Variants in AKAP13 observed in about 807,000 individuals in gnomAD.
AKAP13 encodes the protein A-kinase anchoring protein 13.
Under a neutral mutation model 264.5 loss-of-function variants are expected in AKAP13, and 80 were observed. The observed-to-expected ratio is 0.30, with a 90% CI of 0.25 to 0.36. The LOEUF is 0.36. Ranked by LOEUF, AKAP13 falls within the 10% of genes least tolerant of loss-of-function variation. The pLI, the probability that AKAP13 is intolerant of heterozygous loss-of-function variation, is 1.00. For synonymous variants in AKAP13, 1,380 were observed against 1,250.2 expected, an observed-to-expected ratio of 1.10 and a Z score of -2.19; for missense variants, 3,712 against 3,435.2, an observed-to-expected ratio of 1.08 and a Z score of -2.01.
intron 5 of AKAP13, among the ~76,000 whole-genome samples, chr15:85,554,759 TCA>T (rs1191501754): frequency 2.0e-5 from 3 of 152,186 alleles, no homozygotes; most frequent in African/African-American, 7.2e-5. Context: ...TTTAGTATTT[TCA>T]CTTTACAGAT....
intron 3 of AKAP13, among the ~76,000 whole-genome samples, chr15:85,525,793 A>G (rs1268523235): frequency 6.6e-6 from 1 of 152,160 alleles, no homozygotes; most frequent in Non-Finnish European, 1.5e-5. Flanking sequence ...TCCTTTGAAG[A>G]TAATTGTTGG....
chr15:85,556,290 A>G (rs1186822314), intron 5 of AKAP13, among the ~76,000 whole-genome samples: 2 of 152,230 alleles, frequency 1.3e-5, no homozygotes, highest in Non-Finnish European at 1.5e-5. Flanking sequence ...TTTATGTGCT[A>G]TACTTTTATA....
rs78193286 is a variant in AKAP13, at chr15:85,616,058, A to T, written c.4162-23316A>T. Among the ~76,000 whole-genome samples, 46 of 152,350 alleles carry T rather than the reference A, an allele frequency of 3.0e-4. 2 individuals carry two copies. Among genetic ancestry groups the T allele is most frequent in the Admixed American group, 4.6e-4 (7 of 15,302 alleles). On this transcript the variant is annotated intron_variant, in intron 8 of 36. Transcript: ENST00000394518. ...GAGTCATTAACCAGTGTCCATTCAC[A>T]TGCTGCTACTTTATGTTCACTTTGG...
intron 2 of AKAP13, among the ~76,000 whole-genome samples, chr15:85,490,836 C>T (rs952919974): frequency 6.6e-6 from 1 of 152,082 alleles, no homozygotes; most frequent in African/African-American, 2.4e-5. Context: ...AGCAAGATAA[C>T]ATATCAGGAA....
chr15:85,582,030 G>A lies in AKAP13; in HGVS notation c.3962G>A (p.Ser1321Asn), dbSNP rs779156339. 59 of 1,614,004 alleles carry A rather than the reference G, an allele frequency of 3.7e-5. No homozygotes were observed. The highest frequency in any genetic ancestry group is 4.7e-5 in the Non-Finnish European group (55 of 1,180,018). Residue 1321 changes from serine to asparagine, a missense_variant, in exon 7 of 37, where the codon AGC (serine) becomes AAC (asparagine). This residue lies in a region of AKAP13 where 2,759 missense variants were observed against 2,411.7 expected (regional missense o/e 1.14). Coordinates refer to ENST00000394518, the MANE Select transcript of AKAP13 (RefSeq NM_007200.5). ...MGSTPEEATG[S>N]LAGCFAGREE... ...AGTACTCCTGAGGAAGCCACGGGGA[G>A]CCTTGCAGGATGTTTTGCTGGAAGG... is the stretch of plus-strand genomic sequence containing the variant.
chr15:85,741,994 G>A (rs1267494524), intron 35 of AKAP13, among the ~76,000 whole-genome samples: 6 of 152,080 alleles, frequency 3.9e-5, no homozygotes, highest in Admixed American at 1.3e-4. Flanking sequence ...GCAGCGAGCC[G>A]AGATCTCGCC....
chr15:85,432,420 G>C (rs1377198289), intron 1 of AKAP13, among the ~76,000 whole-genome samples: 1 of 151,536 alleles, frequency 6.6e-6, no homozygotes, highest in Non-Finnish European at 1.5e-5. Context: ...TTTTTATGCA[G>C]AAAGTGGTTT....
intron 10 of AKAP13, among the ~76,000 whole-genome samples, chr15:85,646,312 T>C (rs2082557884): frequency 6.6e-6 from 1 of 151,986 alleles, no homozygotes; most frequent in South Asian, 2.1e-4. Flanking sequence ...CCATCTCTAC[T>C]AAAAATATAA....
At chr15:85,672,000 T>C (rs2083956725) in intron 14 of AKAP13, among the ~76,000 whole-genome samples, 1 of 152,206 alleles carries the variant, frequency 6.6e-6, no homozygotes, top group South Asian at 2.1e-4. Context: ...GTGTTTTCAG[T>C]TGCTATCCAA....
chr15:85,661,384 A>G (rs1596956562), intron 12 of AKAP13, among the ~76,000 whole-genome samples: 1 of 152,182 alleles, frequency 6.6e-6, no homozygotes, highest in Non-Finnish European at 1.5e-5. Context: ...AATTAAAAAG[A>G]TACATTTCTA....
At chr15:85,506,831 A>G (rs1276023112) in intron 2 of AKAP13, among the ~76,000 whole-genome samples, 1 of 152,228 alleles carries the variant, frequency 6.6e-6, no homozygotes, top group Non-Finnish European at 1.5e-5. Context: ...GGTCTAGAAT[A>G]TAAAGGCTGA....
At chr15:85,411,363 G>C (rs1375453762) in intron 1 of AKAP13, among the ~76,000 whole-genome samples, 1 of 152,120 alleles carries the variant, frequency 6.6e-6, no homozygotes, top group Non-Finnish European at 1.5e-5. Context: ...GGAAATATGC[G>C]CAAAGGAGTT....
chr15:85,693,073 T>G, intron 16 of AKAP13: 1 of 846,154 alleles, frequency 1.2e-6, no homozygotes, highest in Non-Finnish European at 1.7e-6. Flanking sequence ...CTGCCCAGTT[T>G]TCGTGTGAAT....
rs2079139926 is a variant in AKAP13, at chr15:85,581,361, A to G, written c.3293A>G (p.Gln1098Arg). The stretch of plus-strand genomic sequence containing the variant: ...GATGTTACAGGGGTTAATGCTCTAC[A>G]AGGTATGGCTGAGCCCAGAAGAGAG... ...TVDVTGVNAL[Q>R]GMAEPRRENI... Residue 1098 changes from glutamine to arginine, a missense_variant, in exon 7 of 37, where the codon CAA becomes CGA. Physicochemically the swap from Gln to Arg is conservative, Grantham distance 43. This residue lies in a region of AKAP13 where 2,759 missense variants were observed against 2,411.7 expected (regional missense o/e 1.14). Coordinates refer to ENST00000394518, the MANE Select transcript of AKAP13 (RefSeq NM_007200.5). 1.9e-6 allele frequency: 3 copies of G among 1,614,208 alleles called. No homozygotes were observed. In the Admixed American group the frequency reaches 5.0e-5, roughly 27 times the overall value.
At chr15:85,644,465 C>T (rs927495038) in intron 9 of AKAP13, among the ~76,000 whole-genome samples, 3 of 151,410 alleles carry the variant, frequency 2.0e-5, no homozygotes, top group African/African-American at 4.8e-5. Flanking sequence ...TGTTCTCGAA[C>T]TCTGGCCGCA....
intron 14 of AKAP13, among the ~76,000 whole-genome samples, chr15:85,675,786 G>A (rs1372630769): frequency 6.6e-6 from 1 of 152,214 alleles, no homozygotes; most frequent in Non-Finnish European, 1.5e-5. Context: ...AAGCAAGACT[G>A]AGGAATTTGG....
intron 1 of AKAP13, among the ~76,000 whole-genome samples, chr15:85,466,874 C>A (rs2074760412): frequency 6.6e-6 from 1 of 151,946 alleles, no homozygotes; most frequent in Non-Finnish European, 1.5e-5. Flanking sequence ...TAATTTTTGT[C>A]CACTGCTATT....
In AKAP13 at chr15:85,698,741, T is replaced by C. The variant is rs957613542; in HGVS notation, c.5464+5290T>C. On this transcript the variant is annotated intron_variant, in intron 17 of 36. Transcript: ENST00000394518. ...GGTAGATCACTTGAGGTCAGGAGTT[T>C]GAGACCAGCCTGGCCAACATGGTGA... 4.6e-5 allele frequency among the ~76,000 whole-genome samples: 7 copies of C among 151,392 alleles called. No individual in the cohort carries two copies. The East Asian group carries it at 9.8e-4, about 21-fold the overall frequency.
intron 14 of AKAP13, among the ~76,000 whole-genome samples, chr15:85,678,883 T>TAA (rs35438915): frequency 1.4e-5 from 2 of 143,728 alleles, no homozygotes; most frequent in Non-Finnish European, 3.1e-5. Context: ...AAAACAAAAT[T>TAA]AAAAAAAAAA....
Sources: gnomAD v4.1 joint callset for allele counts (sites outside exome capture counted in the v4.1 genomes callset) on GRCh38, gnomAD v4.1.1 for gene constraint, gnomAD v4.1.1 regional missense constraint, MANE v1.5 for transcripts, NCBI Gene and HGNC (gene_info 2026-07-23, HGNC 2026-07-21) for gene names.